EEF1A2: variants seen among roughly 807,000 people sequenced by gnomAD.
EEF1A2 encodes elongation factor 1-alpha 2.
In EEF1A2, 5 loss-of-function variants were observed where a neutral mutation model predicts 39.3. That is an observed-to-expected ratio of 0.13 (90% CI 0.07 to 0.27). The LOEUF is 0.27. Ranked by LOEUF, EEF1A2 falls within the 10% of genes least tolerant of loss-of-function variation. The probability of loss-of-function intolerance (pLI) is 1.00; values close to 1 mark genes in which losing one functional copy is unlikely to be tolerated. For missense variants in EEF1A2, 218 were observed against 681.4 expected (o/e 0.32, Z 7.57); for synonymous variants, 287 against 293.7 (o/e 0.98, Z 0.23).
chr20:63,490,432 T>C, intron 6 of EEF1A2, 47 bp downstream of exon 6: 1 of 1,580,268 alleles, frequency 6.3e-7, no homozygotes, highest in African/African-American at 1.3e-5. Context: ...ACAGTCCTGC[T>C]GCTGTCCAGC....
At position 63,490,742 on chromosome 20, in the gene EEF1A2, A is replaced by G; in HGVS notation, c.773-7T>C. The G allele has an allele frequency of 6.4e-7, 1 of 1,560,952 alleles. No individual in the cohort carries two copies. Among genetic ancestry groups the G allele is most frequent in the Non-Finnish European group, 8.7e-7 (1 of 1,152,066 alleles). ...ACGGGCACCGTGCCAATGCCTGCAG[A>G]GGGGAGGGGGTGTGAGGGGAAGGTG... On this transcript the variant is annotated splice_polypyrimidine_tract_variant and splice_region_variant and intron_variant, in intron 5 of 7. Coordinates refer to ENST00000217182, the MANE Select transcript of EEF1A2 (RefSeq NM_001958.5).
chr20:63,497,875 C>A lies in EEF1A2; in HGVS notation c.-71-41G>T. 2 of 1,418,692 alleles carry A rather than the reference C, an allele frequency of 1.4e-6. No homozygotes were observed. Among genetic ancestry groups the A allele is most frequent in the African/African-American group, 1.4e-5 (1 of 70,022 alleles). The allele number at this position is 1,418,692 out of a possible 1,614,324, so 87.9% of individuals were successfully genotyped here. On this transcript the variant is annotated intron_variant, in intron 1 of 7. Coordinates refer to ENST00000217182, the MANE Select transcript of EEF1A2 (RefSeq NM_001958.5). This position sits in a 1 kb window ranked among gnomAD's most constrained non-coding sequence, Gnocchi z 7.3. ...TGGTGGGGAGACCGGTGATGGGGAG[C>A]CCCAGGGGGAGACACCAGCAGAGAC...
intron 5 of EEF1A2, among the ~76,000 whole-genome samples, chr20:63,492,630 ATGGG>A (rs201473437): frequency 0.031 from 4,304 of 137,536 alleles, 268 homozygotes; most frequent in African/African-American, 0.11. Flanking sequence ...AGAAGGATGG[ATGGG>A]TGGGACAATC....
intron 5 of EEF1A2, among the ~76,000 whole-genome samples, chr20:63,491,876 A>AGATGGATG (rs1167375518): frequency 0.09 from 5,606 of 62,032 alleles, 264 homozygotes; most frequent in Admixed American, 0.17. Context: ...GTGGATGGAT[A>AGATGGATG]GATGGATGGA....
rs762973465 is a variant in EEF1A2, at chr20:63,495,851, C to T, written c.324+5G>A. The T allele has an allele frequency of 6.2e-7, 1 of 1,612,546 alleles. No homozygotes were observed. Among genetic ancestry groups the T allele is most frequent in the Non-Finnish European group, 8.5e-7 (1 of 1,179,704 alleles). ...CCCCAGCCCCGCCTGCTGTGCCCTG[C>T]TCACCTGGGATGTACCCGTGATCAT... On this transcript the variant is annotated splice_donor_5th_base_variant and intron_variant, in intron 3 of 7. Transcript: ENST00000217182.
At position 63,493,851 on chromosome 20, in the gene EEF1A2, C is replaced by T. The variant is rs35929780; in HGVS notation, c.622-564G>A. On this transcript the variant is annotated intron_variant, in intron 4 of 7. Transcript: ENST00000217182. ...GGGGAGGGGGCCGGCAGCACAGTGC[C>T]CCAGCCCCCCAGGGCCTGTGTAAGC... 3.6e-3 allele frequency among the ~76,000 whole-genome samples: 541 copies of T among 152,354 alleles called. 2 individuals are homozygous for T. Among genetic ancestry groups the T allele is most frequent in the Middle Eastern group, 6.8e-3 (2 of 294 alleles).
At chr20:63,492,493 G>C (rs1324793224) in intron 5 of EEF1A2, among the ~76,000 whole-genome samples, 1 of 151,734 alleles carries the variant, frequency 6.6e-6, no homozygotes, top group Non-Finnish European at 1.5e-5. Context: ...TGGATGGATG[G>C]ACAGAAGGAT....
At chr20:63,495,196 G>A in intron 3 of EEF1A2, 95 bp from the exon 4 acceptor site, 1 of 1,512,930 alleles carries the variant, frequency 6.6e-7, no homozygotes. Context: ...TCTCCAGGCA[G>A]CGGGCTGGGG....
chr20:63,491,064 C>T (rs2082376493), intron 5 of EEF1A2, among the ~76,000 whole-genome samples: 1 of 152,214 alleles, frequency 6.6e-6, no homozygotes, highest in African/African-American at 2.4e-5. Flanking sequence ...GGGTCCCATC[C>T]TTGCCCCCGG....
At chr20:63,493,587 G>A (rs1197624438) in intron 4 of EEF1A2, among the ~76,000 whole-genome samples, 1 of 152,196 alleles carries the variant, frequency 6.6e-6, no homozygotes, top group Non-Finnish European at 1.5e-5. Context: ...CCAAGTCCCC[G>A]AAACCCCGGG....
At chr20:63,491,240 C>T (rs1055291741) in intron 5 of EEF1A2, among the ~76,000 whole-genome samples, 3 of 151,838 alleles carry the variant, frequency 2.0e-5, no homozygotes, top group African/African-American at 7.3e-5. Context: ...TCTCTGGGCC[C>T]CACTTGGATG....
At chr20:63,490,286 T>G in intron 6 of EEF1A2, 193 bp downstream of exon 6, 2 of 659,344 alleles carry the variant, frequency 3.0e-6, no homozygotes, top group African/African-American at 1.8e-5. Flanking sequence ...AGGATGGACT[T>G]GATCTCTTGA....
intron 4 of EEF1A2, among the ~76,000 whole-genome samples, chr20:63,493,837 C>T (rs1442402652): frequency 1.3e-5 from 2 of 152,246 alleles, no homozygotes; most frequent in Admixed American, 6.5e-5. Context: ...GGGAGGGGGC[C>T]GGCAGCACAG....
intron 7 of EEF1A2, among the ~76,000 whole-genome samples, 200 bp downstream of exon 7, chr20:63,488,718 G>A (rs1600901930): frequency 6.6e-6 from 1 of 152,212 alleles, no homozygotes; most frequent in African/African-American, 2.4e-5. Flanking sequence ...CTGCACACAG[G>A]GCCCACCCCA....
At position 63,498,071 on chromosome 20, in the gene EEF1A2, G is replaced by A. The variant is rs1379420673; in HGVS notation, c.-71-237C>T. Reference sequence around the variant, plus strand: ...CAGCCCCATCTGCTGTAAATAACTGGGCGTTGGAGCCCGCGGGCTGCTCCT... The same window carrying A: ...CAGCCCCATCTGCTGTAAATAACTGAGCGTTGGAGCCCGCGGGCTGCTCCT... On this transcript the variant is annotated intron_variant, in intron 1 of 7. Transcript: ENST00000217182. The surrounding 1 kb of genome is among the most constrained non-coding windows in gnomAD (Gnocchi z 4.1). 3.5e-6 allele frequency: 1 copy of A among 282,488 alleles called. No individual in the cohort carries two copies. Among genetic ancestry groups the A allele is most frequent in the East Asian group, 7.0e-5 (1 of 14,302 alleles). The allele number at this position is 282,488 out of a possible 1,614,324, so 17.5% of individuals were successfully genotyped here.
rs1005974432 is a variant in EEF1A2, at chr20:63,493,183, C to T, written c.726G>A (p.Thr242=). The T allele has an allele frequency of 2.5e-5, 39 of 1,548,678 alleles. No individual in the cohort carries two copies. The highest frequency in any genetic ancestry group is 1.7e-4 in the East Asian group (7 of 40,932). Residue 242 remains threonine, a synonymous_variant, in exon 5 of 8, where the codon ACG becomes ACA. Coordinates refer to ENST00000217182, the MANE Select transcript of EEF1A2 (RefSeq NM_001958.5). ...GCAGCGGCAGGCGCAGGGGCTTGTC[C>T]GTGGGGCGCGTGGGGGGCAGGATGG... The part of the protein sequence containing the change: ...LDTILPPTRP[T]DKPLRLPLQD...
intron 4 of EEF1A2, among the ~76,000 whole-genome samples, chr20:63,494,009 C>G (rs1026587314): frequency 2.0e-5 from 3 of 152,242 alleles, no homozygotes; most frequent in African/African-American, 7.2e-5. Context: ...TAAACAACAC[C>G]GAGCCTCGTG....
chr20:63,497,472 G>T lies in EEF1A2; in HGVS notation c.144+148C>A. 7.7e-7 allele frequency: 1 copy of T among 1,298,820 alleles called. No individual in the cohort carries two copies. Among genetic ancestry groups the T allele is most frequent in the Non-Finnish European group, 1.0e-6 (1 of 959,542 alleles). 80.5% of individuals were successfully genotyped at this position (1,298,820 alleles called of 1,614,324 possible). Reference sequence around the variant, plus strand: ...AGGCTGCCCCACCAGACCCTCTGAGGCCTGAGTGCCCCACAGCGGGGGTCC... The same window carrying T: ...AGGCTGCCCCACCAGACCCTCTGAGTCCTGAGTGCCCCACAGCGGGGGTCC... On this transcript the variant is annotated intron_variant, in intron 2 of 7. Coordinates refer to ENST00000217182, the MANE Select transcript of EEF1A2 (RefSeq NM_001958.5). The surrounding 1 kb of genome is among the most constrained non-coding windows in gnomAD (Gnocchi z 7.3).
rs754338238 is a variant in EEF1A2 at position 63,490,516 on chromosome 20, G to C, written c.992C>G (p.Ser331Cys). ...RRGNVCGDSK[S>C]DPPQEAAQFT... ...CTGAGCAGCCTCCTGCGGCGGGTCA[G>C]ACTTGCTGTCCCCACACACGTTGCC... Residue 331 changes from serine (S) to cysteine (C), a missense_variant, in exon 6 of 8, where the codon TCT becomes TGT. Physicochemically the swap from Ser to Cys is moderately radical, Grantham distance 112. Around this residue, in one of 4 missense-constraint regions of EEF1A2, gnomAD observed 80 missense variants for 295.9 expected, o/e 0.27. Transcript: ENST00000217182. 7 of 1,612,504 alleles carry C rather than the reference G, an allele frequency of 4.3e-6. No homozygotes were observed. In the Admixed American group the frequency reaches 1.0e-4, roughly 23 times the overall value.
Sources: gnomAD v4.1 joint callset for allele counts (sites outside exome capture counted in the v4.1 genomes callset) on GRCh38, gnomAD v4.1.1 for gene constraint, gnomAD v4.1.1 regional missense constraint, Gnocchi (gnomAD v3.1) non-coding constraint, MANE v1.5 for transcripts, NCBI Gene and HGNC (gene_info 2026-07-23, HGNC 2026-07-21) for gene names.